Variants in RUNX1 observed in about 807,000 individuals in gnomAD.
RUNX1 encodes the protein runt-related transcription factor 1.
In RUNX1, 19 loss-of-function variants were observed where a neutral mutation model predicts 42.8. The ratio of observed to expected loss-of-function variants is 0.44; its 90% confidence interval spans 0.31 to 0.65. The LOEUF is 0.65. Ranked by LOEUF, RUNX1 falls within the 30% of genes least tolerant of loss-of-function variation. RUNX1 has a pLI of 0.07. For missense variants in RUNX1, 528 were observed against 672.0 expected, an observed-to-expected ratio of 0.79 and a Z score of 2.37; for synonymous variants, 271 against 289.4, an observed-to-expected ratio of 0.94 and a Z score of 0.64.
chr21:34,792,425 A>C lies in RUNX1; in HGVS notation c.1153T>G (p.Tyr385Asp). ...TRYHTYLPPP[Y>D]PGSSQAQGGP... is the part of the protein sequence containing the mutation. ...CCCTGCGCTTGCGACGAGCCGGGGT[A>C]GGGCGGCGGCAGGTAGGTGTGGTAG... is the stretch of plus-strand genomic sequence containing the variant. The change falls in exon 9 of 9, where the codon TAC becomes GAC. Residue 385 changes from tyrosine to aspartate, a missense_variant. Tyr to Asp is a radical substitution (Grantham distance 160). Coordinates refer to ENST00000675419, the MANE Select transcript of RUNX1 (RefSeq NM_001754.5). This position sits in a 1 kb window ranked among gnomAD's most constrained non-coding sequence, Gnocchi z 6.9. 6.4e-7 allele frequency: 1 copy of C among 1,571,470 alleles called. No homozygotes were observed. The highest frequency in any genetic ancestry group is 1.2e-5 in the South Asian group (1 of 85,860).
At chr21:34,946,312 T>G (rs1234062294) in intron 2 of RUNX1, among the ~76,000 whole-genome samples, 1 of 152,194 alleles carries the variant, frequency 6.6e-6, no homozygotes. Context: ...CTCCTGCTCT[T>G]TCTCAAGCAT....
At chr21:34,878,357 A>AT (rs1369834644) in intron 5 of RUNX1, among the ~76,000 whole-genome samples, 139 of 148,222 alleles carry the variant, frequency 9.4e-4, no homozygotes, top group African/African-American at 3.1e-3. Context: ...AAAAAAAAAA[A>AT]AAAATATATA....
chr21:34,931,283 T>C (rs2058442617), intron 2 of RUNX1, among the ~76,000 whole-genome samples: 2 of 150,328 alleles, frequency 1.3e-5, no homozygotes, highest in Non-Finnish European at 3.0e-5. Flanking sequence ...TTTGCTAGGG[T>C]TGTCTGCATT....
At chr21:34,808,059 T>C (rs542619518) in intron 7 of RUNX1, among the ~76,000 whole-genome samples, 13 of 152,308 alleles carry the variant, frequency 8.5e-5, no homozygotes, top group African/African-American at 3.1e-4. Flanking sequence ...AGACACCGGC[T>C]CAGCACACTG....
At chr21:34,885,169 C>T (rs189524970) in intron 4 of RUNX1, among the ~76,000 whole-genome samples, 145 of 152,198 alleles carry the variant, frequency 9.5e-4, no homozygotes, top group Non-Finnish European at 1.2e-3. Context: ...GATTTCCCCC[C>T]CAAAAGGAAG....
intron 7 of RUNX1, 47 bp from the exon 8 acceptor site, chr21:34,799,509 T>A: frequency 6.4e-7 from 1 of 1,552,704 alleles, no homozygotes; most frequent in Non-Finnish European, 8.9e-7. Flanking sequence ...GGGGTGGGAT[T>A]TAAAAAATGT....
At chr21:35,011,276 G>A (rs1039018888) in intron 2 of RUNX1, among the ~76,000 whole-genome samples, 32 of 152,122 alleles carry the variant, frequency 2.1e-4, no homozygotes, top group African/African-American at 7.7e-4. Context: ...ACCTTCTCAG[G>A]CCTTTTCCTG....
At chr21:34,965,027 G>T (rs914785605) in intron 2 of RUNX1, among the ~76,000 whole-genome samples, 2 of 151,992 alleles carry the variant, frequency 1.3e-5, no homozygotes, top group Non-Finnish European at 2.9e-5. Context: ...TGTAGGCAGG[G>T]ATGTGAATAC....
chr21:34,904,705 T>C (rs2058203784), intron 2 of RUNX1, among the ~76,000 whole-genome samples: 2 of 152,188 alleles, frequency 1.3e-5, no homozygotes, highest in South Asian at 4.1e-4. Context: ...TATTGGTTGA[T>C]ACAGCACTTC....
At chr21:34,838,764 A>G (rs1056075783) in intron 6 of RUNX1, among the ~76,000 whole-genome samples, 3 of 152,160 alleles carry the variant, frequency 2.0e-5, no homozygotes, top group Non-Finnish European at 2.9e-5. Context: ...TAGGATTTCA[A>G]AGTGACAGTA....
intron 2 of RUNX1, among the ~76,000 whole-genome samples, chr21:35,007,026 A>G (rs1332310840): frequency 1.3e-5 from 2 of 152,204 alleles, no homozygotes; most frequent in African/African-American, 4.8e-5. Flanking sequence ...CACCAGCCCC[A>G]TGTGGGCAAG....
chr21:34,835,143 G>T (rs1373978011), intron 6 of RUNX1, among the ~76,000 whole-genome samples: 2 of 152,056 alleles, frequency 1.3e-5, no homozygotes, highest in African/African-American at 4.8e-5. Context: ...CACAGCCTCT[G>T]GGGAGGTCCC....
intron 2 of RUNX1, among the ~76,000 whole-genome samples, chr21:34,976,760 T>G (rs971546847): frequency 6.6e-6 from 1 of 152,180 alleles, no homozygotes; most frequent in Non-Finnish European, 1.5e-5. Flanking sequence ...ATCAGTTACA[T>G]GTTGGTTATT....
intron 7 of RUNX1, among the ~76,000 whole-genome samples, chr21:34,820,418 G>C (rs942564641): frequency 3.9e-5 from 6 of 152,136 alleles, no homozygotes; most frequent in Non-Finnish European, 7.4e-5. Flanking sequence ...GGGAGGCCGA[G>C]GCGGGCGGAT....
intron 2 of RUNX1, among the ~76,000 whole-genome samples, chr21:34,964,402 C>T (rs1017785134): frequency 6.6e-6 from 1 of 151,554 alleles, no homozygotes; most frequent in Admixed American, 6.6e-5. Context: ...GCAGGAGAAC[C>T]GCTTGAACCC....
intron 2 of RUNX1, among the ~76,000 whole-genome samples, chr21:35,028,069 T>C (rs1416338973): frequency 1.3e-5 from 2 of 152,220 alleles, no homozygotes; most frequent in East Asian, 3.8e-4. Flanking sequence ...CAGTGCCAGT[T>C]GTCAGCTGTA....
chr21:34,981,959 G>A (rs1030994041), intron 2 of RUNX1, among the ~76,000 whole-genome samples: 2 of 152,204 alleles, frequency 1.3e-5, no homozygotes, highest in Non-Finnish European at 2.9e-5. Flanking sequence ...AAGCCTGCAA[G>A]GGTGAGTCTC....
chr21:34,889,048 C>A (rs934966879), intron 3 of RUNX1, among the ~76,000 whole-genome samples: 2 of 151,310 alleles, frequency 1.3e-5, no homozygotes, highest in Non-Finnish European at 3.0e-5. Context: ...AGAAAGCAGG[C>A]CCCGCCGGCC....
chr21:34,862,587 T>C (rs1291431983), intron 5 of RUNX1, among the ~76,000 whole-genome samples: 1 of 152,160 alleles, frequency 6.6e-6, no homozygotes. Context: ...CAGCATTTCT[T>C]GGCGTTTCCT....
Sources: gnomAD v4.1 joint callset for allele counts (sites outside exome capture counted in the v4.1 genomes callset) on GRCh38, gnomAD v4.1.1 for gene constraint, Gnocchi (gnomAD v3.1) non-coding constraint, MANE v1.5 for transcripts, NCBI Gene and HGNC (gene_info 2026-07-23, HGNC 2026-07-21) for gene names.